PGM1: variants seen among roughly 807,000 people sequenced by gnomAD.
PGM1 encodes phosphoglucomutase-1.
PGM1 carries 52 observed loss-of-function variants against 55.6 expected under a neutral mutation model. The ratio of observed to expected loss-of-function variants is 0.94; its 90% CI spans 0.75 to 1.18. PGM1 has a LOEUF of 1.18. Ranked by LOEUF, PGM1 falls within the 50% of genes most tolerant of loss-of-function variation. PGM1 has a pLI of 0.00. For synonymous variants in PGM1, 287 were observed against 271.7 expected, an observed-to-expected ratio of 1.06 and a Z score of -0.55; for missense variants, 724 against 729.3, an observed-to-expected ratio of 0.99 and a Z score of 0.08.
chr1:63,630,418 T>C (rs528283562), intron 3 of PGM1, among the ~76,000 whole-genome samples: 2 of 152,314 alleles, frequency 1.3e-5, no homozygotes, highest in South Asian at 4.1e-4. Context: ...CCAAGGTCTT[T>C]ACACGTGTTA....
intron 7 of PGM1, 92 bp downstream of exon 7, chr1:63,638,892 G>A (rs890414886): frequency 2.8e-5 from 25 of 892,860 alleles, no homozygotes; most frequent in East Asian, 2.4e-4. Context: ...AAATACCAAC[G>A]GTAGCCGATG....
chr1:63,629,340 T>C, intron 1 of PGM1, 85 bp from the exon 2 acceptor site: 2 of 1,129,932 alleles, frequency 1.8e-6, no homozygotes, highest in Non-Finnish European at 2.7e-6. Flanking sequence ...TTTTTGTCCA[T>C]CTGCCTGTTG....
chr1:63,650,914 T>TA (rs914585974), intron 8 of PGM1, among the ~76,000 whole-genome samples: 73 of 147,618 alleles, frequency 4.9e-4, no homozygotes, highest in African/African-American at 9.7e-4. Flanking sequence ...AAACAAAATT[T>TA]AAAAAAAAAA....
chr1:63,627,181 G>A (rs913826143), intron 1 of PGM1, among the ~76,000 whole-genome samples: 4 of 151,208 alleles, frequency 2.6e-5, no homozygotes, highest in Non-Finnish European at 4.4e-5. Context: ...TTTGACTTTT[G>A]TGAGTAATAC....
intron 6 of PGM1, 94 bp from the exon 7 acceptor site, chr1:63,638,591 C>A: frequency 1.2e-6 from 1 of 834,122 alleles, no homozygotes; most frequent in Non-Finnish European, 2.1e-6. Context: ...CTAAATGGGA[C>A]CCTTGATTAC....
chr1:63,602,707 A>C, intron 1 of PGM1, among the ~76,000 whole-genome samples: 1 of 152,140 alleles, frequency 6.6e-6, no homozygotes, highest in East Asian at 1.9e-4. Flanking sequence ...TTGGGGGCTA[A>C]ACCGACAAGT....
At position 63,647,063 on chromosome 1, in the gene PGM1, C is replaced by G. The variant is rs530513942; in HGVS notation, c.1145-1454C>G. 1.6e-3 allele frequency among the ~76,000 whole-genome samples: 247 copies of G among 151,428 alleles called. 2 individuals carry two copies. Among genetic ancestry groups the G allele is most frequent in the African/African-American group, 5.5e-3 (229 of 41,350 alleles). Reference sequence around the variant, plus strand: ...TTCGAGACCAGCCTGGCCAACATGGCGAAACCCTGTCTCTACTAAAACTAC... The same window carrying G: ...TTCGAGACCAGCCTGGCCAACATGGGGAAACCCTGTCTCTACTAAAACTAC... On this transcript the variant is annotated intron_variant, in intron 7 of 10. Coordinates refer to ENST00000371084, the MANE Select transcript of PGM1 (RefSeq NM_002633.3).
At chr1:63,630,437 T>C (rs1649165067) in intron 3 of PGM1, among the ~76,000 whole-genome samples, 1 of 152,204 alleles carries the variant, frequency 6.6e-6, no homozygotes, top group Non-Finnish European at 1.5e-5. Context: ...TAATCCATTT[T>C]ATTCTCACAG....
At chr1:63,610,582 T>C (rs1648538571) in intron 1 of PGM1, among the ~76,000 whole-genome samples, 1 of 152,222 alleles carries the variant, frequency 6.6e-6, no homozygotes, top group South Asian at 2.1e-4. Flanking sequence ...AATTAATATG[T>C]TGGGGGTTTT....
chr1:63,643,241 GT>G (rs1649564188), intron 7 of PGM1, among the ~76,000 whole-genome samples: 1 of 152,186 alleles, frequency 6.6e-6, no homozygotes, highest in African/African-American at 2.4e-5. Flanking sequence ...CATTTAAAGT[GT>G]TACCTGCCTG....
chr1:63,649,335 G>A (rs1209937061), intron 8 of PGM1, among the ~76,000 whole-genome samples: 2 of 152,112 alleles, frequency 1.3e-5, no homozygotes, highest in Non-Finnish European at 2.9e-5. Context: ...TCCTTATCAT[G>A]CGTACTTCTA....
At chr1:63,636,859 G>A (rs2100989219) in intron 6 of PGM1, among the ~76,000 whole-genome samples, 1 of 152,350 alleles carries the variant, frequency 6.6e-6, no homozygotes, top group South Asian at 2.1e-4. Context: ...CTTTTGCAGT[G>A]TGCACAGAGT....
At chr1:63,633,002 G>A (rs1226791906) in intron 4 of PGM1, among the ~76,000 whole-genome samples, 3 of 152,064 alleles carry the variant, frequency 2.0e-5, no homozygotes, top group Admixed American at 1.3e-4. Flanking sequence ...CAGCCTGGGC[G>A]ACAAAGCAAG....
intron 4 of PGM1, among the ~76,000 whole-genome samples, chr1:63,634,072 G>A (rs1275737906): frequency 2.0e-5 from 3 of 148,540 alleles, no homozygotes; most frequent in Admixed American, 6.8e-5. Flanking sequence ...GTGAGCCACC[G>A]TACCTGGCCT....
chr1:63,636,221 T>C lies in PGM1; in HGVS notation c.874-13T>C. On this transcript the variant is annotated splice_polypyrimidine_tract_variant and intron_variant, in intron 5 of 10. Coordinates refer to ENST00000371084, the MANE Select transcript of PGM1 (RefSeq NM_002633.3). The stretch of plus-strand genomic sequence containing the variant: ...ATTAAAAGGTCTTTCTTTGATCCTC[T>C]CTTCTCCCCAAGGATCGAAACATGA... The C allele has an allele frequency of 6.2e-7, 1 of 1,613,170 alleles. No homozygotes were observed. The highest frequency in any genetic ancestry group is 8.5e-7 in the Non-Finnish European group (1 of 1,179,060).
intron 10 of PGM1, chr1:63,655,640 A>G (rs187858917): frequency 6.6e-6 from 1 of 152,398 alleles, no homozygotes; most frequent in African/African-American, 2.4e-5. Flanking sequence ...CACAATCCTT[A>G]TCTCAACCAG....
At chr1:63,649,880 C>T (rs1217908664) in intron 8 of PGM1, among the ~76,000 whole-genome samples, 1 of 152,162 alleles carries the variant, frequency 6.6e-6, no homozygotes, top group Non-Finnish European at 1.5e-5. Flanking sequence ...ATCATAAAAA[C>T]AAGGCCATGT....
At position 63,614,984 on chromosome 1, in the gene PGM1, C is replaced by T. The variant is rs1057001910; in HGVS notation, c.247-14441C>T. ...AAAGGCCATATACCACTAGAAGGTT[C>T]GAGCAAAGCAAGGATTCAGGCTCAG... is the stretch of plus-strand genomic sequence containing the variant. On this transcript the variant is annotated intron_variant, in intron 1 of 10. Coordinates refer to ENST00000371084, the MANE Select transcript of PGM1 (RefSeq NM_002633.3). Among the ~76,000 whole-genome samples, 96 of 152,168 alleles carry T rather than the reference C, an allele frequency of 6.3e-4. 7 individuals are homozygous for T. The highest frequency in any genetic ancestry group is 2.1e-4 in the South Asian group (1 of 4,830).
At position 63,659,994 on chromosome 1, in the gene PGM1, C is replaced by T; in HGVS notation, c.*319C>T. 1 of 450,542 alleles carries T rather than the reference C, an allele frequency of 2.2e-6. No individual in the cohort carries two copies. Among genetic ancestry groups the T allele is most frequent in the South Asian group, 2.4e-5 (1 of 42,540 alleles). 27.9% of individuals were successfully genotyped at this position (450,542 alleles called of 1,614,324 possible). On this transcript the variant is annotated 3_prime_UTR_variant, in exon 11 of 11. Transcript: ENST00000371084. ...ATGTAAGCTATAGGTGGAGCATCAG[C>T]AGTGAGTGAGGCCATTCTTCATCCT...
Sources: gnomAD v4.1 joint callset for allele counts (sites outside exome capture counted in the v4.1 genomes callset) on GRCh38, gnomAD v4.1.1 for gene constraint, MANE v1.5 for transcripts, NCBI Gene and HGNC (gene_info 2026-07-23, HGNC 2026-07-21) for gene names.